Variants in DCDC1 observed in about 807,000 individuals in gnomAD.
The protein encoded by DCDC1 is doublecortin domain containing 1.
DCDC1 carries 200 observed loss-of-function variants against 178.3 expected under a neutral mutation model. The ratio of observed to expected loss-of-function variants is 1.12; its 90% CI spans 1.00 to 1.26. The LOEUF is 1.26. Among genes scored for constraint, DCDC1 ranks in the 50% most tolerant of loss-of-function variants. DCDC1 has a pLI of 0.00. For missense variants in DCDC1, 1,983 were observed against 1,749.2 expected, an observed-to-expected ratio of 1.13 and a Z score of -2.38; for synonymous variants, 690 against 604.8, an observed-to-expected ratio of 1.14 and a Z score of -2.07.
intron 17 of DCDC1, among the ~76,000 whole-genome samples, chr11:31,084,723 T>G (rs1957371050): frequency 6.6e-6 from 1 of 152,060 alleles, no homozygotes; most frequent in African/African-American, 2.4e-5. Flanking sequence ...ACAAAATCTT[T>G]TCTTATTTTT....
chr11:31,033,753 A>C (rs1953827355), intron 20 of DCDC1, among the ~76,000 whole-genome samples: 1 of 152,194 alleles, frequency 6.6e-6, no homozygotes, highest in Non-Finnish European at 1.5e-5. Context: ...AAAAATTCTT[A>C]TCACTTAAGT....
chr11:31,250,178 G>A (rs1194624174), intron 8 of DCDC1, among the ~76,000 whole-genome samples: 14 of 151,634 alleles, frequency 9.2e-5, no homozygotes, highest in Admixed American at 9.2e-4. Flanking sequence ...GACAAAGTAG[G>A]AGAACATGTA....
intron 38 of DCDC1, among the ~76,000 whole-genome samples, chr11:30,867,484 C>T (rs1941104469): frequency 6.6e-6 from 1 of 152,186 alleles, no homozygotes; most frequent in African/African-American, 2.4e-5. Flanking sequence ...TACAGGTAGA[C>T]ACTCTAAAAA....
chr11:31,191,254 G>C (rs1462443151), intron 9 of DCDC1, among the ~76,000 whole-genome samples: 3 of 151,974 alleles, frequency 2.0e-5, no homozygotes, highest in Non-Finnish European at 4.4e-5. Flanking sequence ...CCATGGATGT[G>C]GAACCCATGG....
intron 9 of DCDC1, among the ~76,000 whole-genome samples, chr11:31,195,423 T>C (rs1285460581): frequency 2.0e-5 from 3 of 152,124 alleles, no homozygotes; most frequent in Non-Finnish European, 4.4e-5. Context: ...TGAATCATTC[T>C]ATTTGATAGT....
At chr11:31,252,166 A>G (rs1944083601) in intron 8 of DCDC1, among the ~76,000 whole-genome samples, 1 of 152,206 alleles carries the variant, frequency 6.6e-6, no homozygotes, top group African/African-American at 2.4e-5. Flanking sequence ...CTATTAGCAT[A>G]CTGTAAATCT....
At chr11:31,115,640 AG>A (rs748902070) in intron 11 of DCDC1, among the ~76,000 whole-genome samples, 20 of 152,274 alleles carry the variant, frequency 1.3e-4, no homozygotes, top group Non-Finnish European at 2.8e-4. Flanking sequence ...TGAACATACA[AG>A]GTTAACTTAC....
At chr11:31,289,801 T>C (rs912035579) in intron 7 of DCDC1, among the ~76,000 whole-genome samples, 1 of 151,980 alleles carries the variant, frequency 6.6e-6, no homozygotes. Flanking sequence ...ATCTCTGTTT[T>C]TTTAGATGAA....
At chr11:31,336,324 G>A (rs1479485106) in intron 1 of DCDC1, among the ~76,000 whole-genome samples, 1 of 152,176 alleles carries the variant, frequency 6.6e-6, no homozygotes, top group African/African-American at 2.4e-5. Context: ...CCTTAGGGCA[G>A]GCATCCAAAA....
At chr11:31,194,735 A>G (rs537521237) in intron 9 of DCDC1, among the ~76,000 whole-genome samples, 11 of 152,152 alleles carry the variant, frequency 7.2e-5, no homozygotes, top group African/African-American at 2.6e-4. Flanking sequence ...ACTGTGATGG[A>G]CATTTTTGCA....
chr11:31,012,293 G>A (rs1304827820), intron 20 of DCDC1, among the ~76,000 whole-genome samples: 1 of 152,160 alleles, frequency 6.6e-6, no homozygotes, highest in Non-Finnish European at 1.5e-5. Flanking sequence ...GTTGCCAGAT[G>A]CAGTTGTGAA....
At chr11:30,873,362 T>G (rs2025204) in intron 38 of DCDC1, among the ~76,000 whole-genome samples, 96,816 of 137,106 alleles carry the variant, frequency 0.71, 34,793 homozygotes, top group Non-Finnish European at 0.79. Context: ...TATATATATA[T>G]ATAGAGAGAG....
At chr11:31,077,181 G>A (rs995517469) in intron 18 of DCDC1, among the ~76,000 whole-genome samples, 6 of 152,124 alleles carry the variant, frequency 3.9e-5, no homozygotes, top group Admixed American at 6.5e-5. Flanking sequence ...AATATAGACA[G>A]TAAAGCCCAT....
intron 29 of DCDC1, 84 bp from the exon 30 acceptor site, chr11:30,906,809 T>C: frequency 1.6e-6 from 2 of 1,254,608 alleles, no homozygotes; most frequent in East Asian, 5.1e-5. Flanking sequence ...AATATAAATA[T>C]AGCACTTTTA....
chr11:31,306,505 A>AT, intron 4 of DCDC1, 117 bp from the exon 5 acceptor site: 1 of 1,102,050 alleles, frequency 9.1e-7, no homozygotes, highest in Non-Finnish European at 1.2e-6. Context: ...TCCTATGTAT[A>AT]TAAGTATACC....
At chr11:31,302,565 A>G (rs1264786733) in intron 6 of DCDC1, among the ~76,000 whole-genome samples, 1 of 152,166 alleles carries the variant, frequency 6.6e-6, no homozygotes. Flanking sequence ...ATACACAATT[A>G]ATATTTATGA....
At chr11:30,962,812 A>G (rs1005340666) in intron 20 of DCDC1, among the ~76,000 whole-genome samples, 2 of 152,030 alleles carry the variant, frequency 1.3e-5, no homozygotes, top group African/African-American at 4.8e-5. Flanking sequence ...GATACATAGG[A>G]GTAATTTATA....
intron 11 of DCDC1, among the ~76,000 whole-genome samples, chr11:31,121,320 TC>T (rs1960764851): frequency 6.6e-6 from 1 of 151,310 alleles, no homozygotes; most frequent in African/African-American, 2.4e-5. Flanking sequence ...TACAACTCTT[TC>T]CTAAAATTCC....
At chr11:31,133,533 C>G (rs1309748765) in intron 10 of DCDC1, among the ~76,000 whole-genome samples, 1 of 152,088 alleles carries the variant, frequency 6.6e-6, no homozygotes, top group Non-Finnish European at 1.5e-5. Context: ...GGAAACAGAA[C>G]CCTAATTTGT....
Sources: gnomAD v4.1 joint callset for allele counts (sites outside exome capture counted in the v4.1 genomes callset) on GRCh38, gnomAD v4.1.1 for gene constraint, MANE v1.5 for transcripts, NCBI Gene and HGNC (gene_info 2026-07-23, HGNC 2026-07-21) for gene names.